Variants in CFAP221 observed in about 807,000 individuals in gnomAD.
CFAP221 encodes cilia- and flagella-associated protein 221.
CFAP221 carries 97 observed loss-of-function variants against 113.1 expected under a neutral mutation model. The observed-to-expected ratio is 0.86, with a 90% CI of 0.73 to 1.02. The LOEUF (loss-of-function observed/expected upper bound fraction) is 1.02, where lower values mean the gene tolerates loss of function less well. CFAP221 is among the 50% of genes least tolerant of loss of function. The probability of loss-of-function intolerance (pLI) is 0.00; values close to 1 mark genes in which losing one functional copy is unlikely to be tolerated. For synonymous variants in CFAP221, 331 were observed against 354.4 expected, an observed-to-expected ratio of 0.93 and a Z score of 0.74; for missense variants, 1,025 against 1,013.4, an observed-to-expected ratio of 1.01 and a Z score of -0.16.
chr2:119,629,159 A>T (rs1429757794), intron 16 of CFAP221, among the ~76,000 whole-genome samples: 1 of 152,156 alleles, frequency 6.6e-6, no homozygotes, highest in Non-Finnish European at 1.5e-5. Context: ...GTTTCATCAT[A>T]TTAGTTTAGT....
chr2:119,629,932 A>T lies in CFAP221; in HGVS notation c.1708A>T (p.Ser570Cys). Residue 570 changes from serine (S) to cysteine (C), a missense_variant, in exon 17 of 24, where the codon AGT becomes TGT. By Grantham distance (112) the Ser-to-Cys change is moderately radical. Coordinates refer to ENST00000413369, the MANE Select transcript of CFAP221 (RefSeq NM_001271049.2). ...IKSSEVQIKQ[S>C]YSFFNLQVPQ... Reference sequence around the variant, plus strand: ...GTCTTCAGAAGTTCAAATCAAGCAGAGTTATTCCTTCTTCAATCTGCAGGT... The same window carrying T: ...GTCTTCAGAAGTTCAAATCAAGCAGTGTTATTCCTTCTTCAATCTGCAGGT... 1 of 1,613,290 alleles carries T rather than the reference A, an allele frequency of 6.2e-7. No homozygotes were observed. The highest frequency in any genetic ancestry group is 8.5e-7 in the Non-Finnish European group (1 of 1,179,310).
intron 1 of CFAP221, chr2:119,545,227 T>G (rs1263851878): frequency 6.6e-6 from 1 of 152,278 alleles, no homozygotes; most frequent in Non-Finnish European, 1.5e-5. Flanking sequence ...ACATTCCATT[T>G]CAGAGGCTTC....
intron 21 of CFAP221, among the ~76,000 whole-genome samples, chr2:119,642,745 G>C (rs1215975006): frequency 1.3e-5 from 2 of 151,850 alleles, no homozygotes; most frequent in Non-Finnish European, 2.9e-5. Flanking sequence ...TTGCTACATT[G>C]CCCAGGCTGG....
At chr2:119,607,641 C>T (rs976904108) in intron 11 of CFAP221, among the ~76,000 whole-genome samples, 1 of 152,088 alleles carries the variant, frequency 6.6e-6, no homozygotes, top group Non-Finnish European at 1.5e-5. Flanking sequence ...AAAAAGAAAC[C>T]TCATACCCAT....
chr2:119,616,050 A>G (rs1022162696), intron 14 of CFAP221, among the ~76,000 whole-genome samples: 3 of 152,204 alleles, frequency 2.0e-5, no homozygotes, highest in Admixed American at 1.3e-4. Flanking sequence ...GAATCATACA[A>G]TATGCAGCCT....
chr2:119,572,969 CCTTA>C (rs758055291), intron 6 of CFAP221: 17 of 185,540 alleles, frequency 9.2e-5, no homozygotes, highest in Non-Finnish European at 1.4e-4. Flanking sequence ...GGATGCTTTT[CCTTA>C]CTTAGTGAAT....
intron 7 of CFAP221, among the ~76,000 whole-genome samples, chr2:119,595,031 G>A (rs1683864250): frequency 6.6e-6 from 1 of 151,844 alleles, no homozygotes; most frequent in South Asian, 2.1e-4. Flanking sequence ...CACCTGTCCT[G>A]TGTGCTGCTG....
chr2:119,637,462 T>C lies in CFAP221; in HGVS notation c.1975-797T>C, dbSNP rs141004530. On this transcript the variant is annotated intron_variant, in intron 19 of 23. Transcript: ENST00000413369. Reference sequence around the variant, plus strand: ...GATTGAGTTTCCATAAGCTAAGTGGTTTTGTGGGGCGTTTTTAACTTGTTT... The same window carrying C: ...GATTGAGTTTCCATAAGCTAAGTGGCTTTGTGGGGCGTTTTTAACTTGTTT... Among the ~76,000 whole-genome samples the C allele has an allele frequency of 2.5e-3, 385 of 152,282 alleles. 2 individuals are homozygous for C. The highest frequency in any genetic ancestry group is 8.9e-3 in the African/African-American group (369 of 41,556).
intron 6 of CFAP221, among the ~76,000 whole-genome samples, chr2:119,566,870 TTATTG>T (rs1681684377): frequency 6.6e-6 from 1 of 152,232 alleles, no homozygotes; most frequent in African/African-American, 2.4e-5. Flanking sequence ...GATTTTATTT[TTATTG>T]TATTGTATCA....
intron 6 of CFAP221, among the ~76,000 whole-genome samples, chr2:119,574,200 T>G (rs1682267786): frequency 6.6e-6 from 1 of 152,010 alleles, no homozygotes; most frequent in Non-Finnish European, 1.5e-5. Context: ...AGGGGTGGAG[T>G]GGTACAAATC....
At chr2:119,611,768 T>C in intron 13 of CFAP221, 26 bp downstream of exon 13, 2 of 1,543,284 alleles carry the variant, frequency 1.3e-6, no homozygotes, top group Middle Eastern at 1.7e-4. Context: ...TTATTTAGAA[T>C]CTGATTATTG....
At chr2:119,659,201 C>T (rs1276798299), downstream of CFAP221, among the ~76,000 whole-genome samples, 1 of 152,200 alleles carries the variant, frequency 6.6e-6, no homozygotes, top group Non-Finnish European at 1.5e-5. Context: ...TTTGCTAACA[C>T]ATCTCCTTGC....
chr2:119,646,194 G>T (rs999672353), intron 21 of CFAP221, among the ~76,000 whole-genome samples: 1 of 152,184 alleles, frequency 6.6e-6, no homozygotes, highest in Non-Finnish European at 1.5e-5. Context: ...GGAGTATAAA[G>T]GTGGAGGGAA....
chr2:119,656,259 A>T (rs1688426230), intron 23 of CFAP221, 103 bp from the exon 24 acceptor site: 1 of 828,412 alleles, frequency 1.2e-6, no homozygotes, highest in East Asian at 2.6e-5. Flanking sequence ...TGTATATTAA[A>T]CGAAATGCTC....
At chr2:119,649,784 G>T (rs770288640) in intron 22 of CFAP221, among the ~76,000 whole-genome samples, 3 of 152,170 alleles carry the variant, frequency 2.0e-5, no homozygotes, top group Non-Finnish European at 4.4e-5. Context: ...TTTATCTTAG[G>T]ATGTTGCATT....
chr2:119,594,969 C>T (rs1683860117), intron 7 of CFAP221, among the ~76,000 whole-genome samples: 1 of 152,234 alleles, frequency 6.6e-6, no homozygotes, highest in Non-Finnish European at 1.5e-5. Context: ...TCTGAGAGAA[C>T]ATCTCCCATC....
At chr2:119,608,629 G>C (rs1454964971) in intron 12 of CFAP221, 40 bp downstream of exon 12, 1 of 1,547,252 alleles carries the variant, frequency 6.5e-7, no homozygotes, top group Non-Finnish European at 8.9e-7. Flanking sequence ...TGTTTCGCTA[G>C]ATGTTTTTAA....
At chr2:119,608,659 T>C in intron 12 of CFAP221, 70 bp downstream of exon 12, 1 of 1,329,912 alleles carries the variant, frequency 7.5e-7, no homozygotes, top group Non-Finnish European at 1.1e-6. Context: ...ATATGCAAGA[T>C]GCCAGGTGGA....
At chr2:119,577,298 A>G (rs1327833100) in intron 6 of CFAP221, among the ~76,000 whole-genome samples, 1 of 152,212 alleles carries the variant, frequency 6.6e-6, no homozygotes, top group East Asian at 1.9e-4. Context: ...CCCCACCTCC[A>G]TCATGGGAAT....
Sources: gnomAD v4.1 joint callset for allele counts (sites outside exome capture counted in the v4.1 genomes callset) on GRCh38, gnomAD v4.1.1 for gene constraint, MANE v1.5 for transcripts, NCBI Gene and HGNC (gene_info 2026-07-23, HGNC 2026-07-21) for gene names.